Variants in SNX13 observed in about 807,000 individuals in gnomAD.
SNX13 encodes the protein sorting nexin-13.
SNX13 carries 45 observed loss-of-function variants against 133.6 expected under a neutral mutation model. The observed-to-expected ratio is 0.34, with a 90% CI of 0.27 to 0.43. The LOEUF (loss-of-function observed/expected upper bound fraction) is 0.43, where lower values mean the gene tolerates loss of function less well. Among genes scored for constraint, SNX13 ranks in the 20% least tolerant of loss-of-function variants. SNX13 has a pLI of 1.00. For missense variants in SNX13, 1,032 were observed against 1,145.1 expected, an observed-to-expected ratio of 0.90 and a Z score of 1.43; for synonymous variants, 414 against 373.9, an observed-to-expected ratio of 1.11 and a Z score of -1.24.
chr7:17,794,783 T>C (rs1247531218), intron 25 of SNX13: 1 of 150,888 alleles, frequency 6.6e-6, no homozygotes, highest in East Asian at 1.9e-4. Context: ...AACAAACTAA[T>C]CCATGATGGT....
At chr7:17,893,588 G>GT (rs1044230352) in intron 2 of SNX13, among the ~76,000 whole-genome samples, 154 bp from the exon 3 acceptor site, 10 of 152,176 alleles carry the variant, frequency 6.6e-5, no homozygotes, top group African/African-American at 2.4e-4. Flanking sequence ...TTGACAGATT[G>GT]TATTAGGTTC....
intron 4 of SNX13, among the ~76,000 whole-genome samples, chr7:17,891,067 G>T (rs1796571746): frequency 6.6e-6 from 1 of 151,704 alleles, no homozygotes; most frequent in South Asian, 2.1e-4. Context: ...AATAATAAAT[G>T]TTAAAATTCT....
chr7:17,790,838 T>A lies in SNX13; in HGVS notation c.*3207A>T, dbSNP rs1316964912. The A allele has an allele frequency of 6.6e-6, 1 of 152,070 alleles. No individual in the cohort carries two copies. Among genetic ancestry groups the A allele is most frequent in the Admixed American group, 6.6e-5 (1 of 15,262 alleles). The allele number at this position is 152,070 out of a possible 1,614,324, so 9.4% of individuals were successfully genotyped here. A position where few individuals can be genotyped will look rare whatever the true frequency, so the allele number is the denominator to read the frequency against. On this transcript the variant is annotated 3_prime_UTR_variant, in exon 26 of 26. Transcript: ENST00000428135. ...AAATTTTTTAATCCTTTTAGTTGAA[T>A]AAAAATAACTGACATTCTGATTGTT...
At chr7:17,861,099 T>A (rs1490568997) in intron 9 of SNX13, among the ~76,000 whole-genome samples, 1 of 152,132 alleles carries the variant, frequency 6.6e-6, no homozygotes, top group African/African-American at 2.4e-5. Context: ...CACTGCAGCT[T>A]TGATCTCCTG....
At chr7:17,797,402 T>C (rs1562644037) in intron 24 of SNX13, among the ~76,000 whole-genome samples, 1 of 151,826 alleles carries the variant, frequency 6.6e-6, no homozygotes. Context: ...GCCCACAACT[T>C]ACAGATGGAT....
chr7:17,837,978 G>A (rs550607078), intron 13 of SNX13, among the ~76,000 whole-genome samples: 14 of 151,744 alleles, frequency 9.2e-5, no homozygotes, highest in Admixed American at 2.0e-4. Context: ...TTTTGGCCTC[G>A]TCAAAGATCA....
chr7:17,807,527 T>C (rs1785455132), intron 20 of SNX13, among the ~76,000 whole-genome samples: 1 of 152,180 alleles, frequency 6.6e-6, no homozygotes, highest in African/African-American at 2.4e-5. Flanking sequence ...AAGGTGCGGT[T>C]GTGGGCGCAG....
rs183669678 is a variant in SNX13 at position 17,938,625 on chromosome 7, T to C, written c.12+1659A>G. ...TTACTTAATATTATCATTGATTTACTGTTTAAAATATTTCCCTAAAACGCA... is the reference window on the plus strand; with the variant it reads ...TTACTTAATATTATCATTGATTTACCGTTTAAAATATTTCCCTAAAACGCA... On this transcript the variant is annotated intron_variant, in intron 1 of 25. Transcript: ENST00000428135. Among the ~76,000 whole-genome samples, 65 of 152,360 alleles carry C rather than the reference T, an allele frequency of 4.3e-4. No individual in the cohort carries two copies. The East Asian group carries it at 8.5e-3, about 20-fold the overall frequency.
chr7:17,928,537 C>G (rs10270181), intron 1 of SNX13, among the ~76,000 whole-genome samples: 3,036 of 152,184 alleles, frequency 0.02, 114 homozygotes, highest in African/African-American at 0.068. Flanking sequence ...CACTGACTCT[C>G]AAGGTTTTTT....
intron 24 of SNX13, among the ~76,000 whole-genome samples, 188 bp from the exon 25 acceptor site, chr7:17,797,127 C>CA (rs1001189529): frequency 1.3e-5 from 2 of 150,816 alleles, no homozygotes; most frequent in Non-Finnish European, 3.0e-5. Flanking sequence ...TTTAGGGGTT[C>CA]AAAAAAAACG....
chr7:17,846,829 G>GC (rs536696990), intron 11 of SNX13, among the ~76,000 whole-genome samples: 109 of 152,134 alleles, frequency 7.2e-4, no homozygotes, highest in African/African-American at 2.6e-3. Context: ...TCTTTCTCCT[G>GC]CCCAGCAGCG....
intron 5 of SNX13, among the ~76,000 whole-genome samples, chr7:17,877,777 T>C (rs1338592221): frequency 1.3e-5 from 2 of 152,008 alleles, no homozygotes; most frequent in Non-Finnish European, 2.9e-5. Context: ...CTATTTTCAA[T>C]ACAGAAATAT....
At chr7:17,901,578 G>C (rs1583693511) in intron 1 of SNX13, among the ~76,000 whole-genome samples, 1 of 152,168 alleles carries the variant, frequency 6.6e-6, no homozygotes, top group African/African-American at 2.4e-5. Flanking sequence ...TTTCCACTGT[G>C]ACAGGGCAGC....
chr7:17,931,590 C>T (rs1801394827), intron 1 of SNX13, among the ~76,000 whole-genome samples: 1 of 152,262 alleles, frequency 6.6e-6, no homozygotes, highest in East Asian at 1.9e-4. Flanking sequence ...AGGTATAATA[C>T]CAATTCAGGT....
intron 11 of SNX13, among the ~76,000 whole-genome samples, chr7:17,849,990 T>C (rs954378246): frequency 2.6e-5 from 4 of 152,212 alleles, no homozygotes; most frequent in African/African-American, 9.6e-5. Flanking sequence ...AACTAAAATG[T>C]AAACTCCACG....
At chr7:17,925,920 C>A (rs1249626626) in intron 1 of SNX13, among the ~76,000 whole-genome samples, 1 of 152,148 alleles carries the variant, frequency 6.6e-6, no homozygotes, top group African/African-American at 2.4e-5. Flanking sequence ...GGAAAATTTG[C>A]ACATACCAAG....
At chr7:17,935,019 G>C (rs574993075) in intron 1 of SNX13, among the ~76,000 whole-genome samples, 1 of 152,132 alleles carries the variant, frequency 6.6e-6, no homozygotes, top group African/African-American at 2.4e-5. Context: ...CTCACTCCTG[G>C]GTATATTTCC....
At chr7:17,824,844 A>G (rs1427622319) in intron 17 of SNX13, among the ~76,000 whole-genome samples, 7 of 150,062 alleles carry the variant, frequency 4.7e-5, no homozygotes, top group Admixed American at 4.7e-4. Flanking sequence ...ATCTCGGCTC[A>G]TTGAAACCTC....
At chr7:17,865,055 GC>G (rs1350964229) in intron 9 of SNX13, among the ~76,000 whole-genome samples, 1 of 152,148 alleles carries the variant, frequency 6.6e-6, no homozygotes, top group Non-Finnish European at 1.5e-5. Flanking sequence ...ACAAACAAAA[GC>G]TAAGGGATTT....
Sources: gnomAD v4.1 joint callset for allele counts (sites outside exome capture counted in the v4.1 genomes callset) on GRCh38, gnomAD v4.1.1 for gene constraint, MANE v1.5 for transcripts, NCBI Gene and HGNC (gene_info 2026-07-23, HGNC 2026-07-21) for gene names.